ASAH2: variants seen among roughly 807,000 people sequenced by gnomAD.
ASAH2 encodes neutral ceramidase.
Under a neutral mutation model 82.9 loss-of-function variants are expected in ASAH2, and 58 were observed. The ratio of observed to expected loss-of-function variants is 0.70; its 90% CI spans 0.57 to 0.87. The LOEUF is 0.87. Ranked by LOEUF, ASAH2 falls within the 40% of genes least tolerant of loss-of-function variation. The probability of loss-of-function intolerance (pLI) is 0.00; values close to 1 mark genes in which losing one functional copy is unlikely to be tolerated. For missense variants in ASAH2, 779 were observed against 834.0 expected (o/e 0.93, Z 0.81); for synonymous variants, 276 against 289.7 (o/e 0.95, Z 0.48).
chr10:50,204,907 T>C lies in ASAH2; in HGVS notation c.1579A>G (p.Ile527Val). The C allele has an allele frequency of 6.2e-7, 1 of 1,611,786 alleles. No individual in the cohort carries two copies. The highest frequency in any genetic ancestry group is 8.5e-7 in the Non-Finnish European group (1 of 1,178,820). Residue 527 changes from isoleucine (I) to valine (V), a missense_variant, in exon 14 of 21, where the codon ATT (isoleucine) becomes GTT (valine). Around this residue, in one of 3 missense-constraint regions of ASAH2, gnomAD observed 759 missense variants for 755.2 expected, o/e 1.00. Coordinates refer to ENST00000682911, the MANE Select transcript of ASAH2 (RefSeq NM_019893.4). ...GTTATGGCCAAGGACCCAAGGGTAA[T>C]AATCTGAACATCAACAATGTCTGGA... ...WHPDIVDVQIITLGSLAITAI... is the reference protein window; with the variant it reads ...WHPDIVDVQIVTLGSLAITAI...
chr10:50,198,706 C>A (rs1845058572), intron 17 of ASAH2, among the ~76,000 whole-genome samples: 1 of 151,988 alleles, frequency 6.6e-6, no homozygotes, highest in Non-Finnish European at 1.5e-5. Flanking sequence ...CATCACTTAT[C>A]TTCAAGCCTA....
At chr10:50,228,546 T>C (rs1252119979) in intron 7 of ASAH2, among the ~76,000 whole-genome samples, 2 of 152,176 alleles carry the variant, frequency 1.3e-5, no homozygotes, top group East Asian at 3.8e-4. Flanking sequence ...TGCAACTGAG[T>C]TCTGTAAGTC....
At chr10:50,238,876 C>G (rs1463806167) in intron 4 of ASAH2, among the ~76,000 whole-genome samples, 3 of 152,088 alleles carry the variant, frequency 2.0e-5, no homozygotes, top group African/African-American at 7.2e-5. Flanking sequence ...AAACTACAGT[C>G]TCTGATATGA....
intron 4 of ASAH2, among the ~76,000 whole-genome samples, chr10:50,242,886 G>T (rs894853575): frequency 5.3e-5 from 8 of 152,090 alleles, no homozygotes; most frequent in African/African-American, 1.9e-4. Context: ...CTTCTAACAA[G>T]GAGGATTAAA....
intron 1 of ASAH2, among the ~76,000 whole-genome samples, 143 bp from the exon 2 acceptor site, chr10:50,248,789 T>C (rs77497111): frequency 3.9e-5 from 6 of 152,234 alleles, no homozygotes; most frequent in African/African-American, 2.4e-5. Context: ...ACCAAGCCCA[T>C]GGCAGACAAG....
intron 8 of ASAH2, 122 bp from the exon 9 acceptor site, chr10:50,214,990 A>G (rs2133209869): frequency 5.6e-6 from 7 of 1,245,400 alleles, no homozygotes; most frequent in Non-Finnish European, 7.9e-6. Context: ...AGGCAATAAA[A>G]AGAGGATATA....
chr10:50,208,527 T>C (rs1312397816), intron 12 of ASAH2, among the ~76,000 whole-genome samples: 1 of 151,656 alleles, frequency 6.6e-6, no homozygotes, highest in Non-Finnish European at 1.5e-5. Context: ...AATCCAAAAA[T>C]GAAATTAAGA....
chr10:50,249,144 C>A (rs1484068549), intron 1 of ASAH2, among the ~76,000 whole-genome samples: 1 of 152,112 alleles, frequency 6.6e-6, no homozygotes, highest in Non-Finnish European at 1.5e-5. Context: ...GAGGTGAAAC[C>A]CGTAACTTTG....
chr10:50,218,495 G>A lies in ASAH2; in HGVS notation c.1014+15C>T. On this transcript the variant is annotated intron_variant, in intron 8 of 20. Coordinates refer to ENST00000682911, the MANE Select transcript of ASAH2 (RefSeq NM_019893.4). ...AGTGAATCAAGATGAAGCTTTCAAT[G>A]ATATAAATTCTCACCTGTCCAGGTA... 1.2e-6 allele frequency: 2 copies of A among 1,613,682 alleles called. No homozygotes were observed. The highest frequency in any genetic ancestry group is 3.3e-5 in the Admixed American group (2 of 59,994).
At chr10:50,248,908 T>C (rs564072976) in intron 1 of ASAH2, among the ~76,000 whole-genome samples, 35 of 152,344 alleles carry the variant, frequency 2.3e-4, no homozygotes, top group African/African-American at 7.9e-4. Context: ...CATTGGCCAC[T>C]GAGCTCAACT....
intron 16 of ASAH2, among the ~76,000 whole-genome samples, chr10:50,201,770 A>G (rs1252318795): frequency 6.6e-6 from 1 of 152,140 alleles, no homozygotes; most frequent in Non-Finnish European, 1.5e-5. Flanking sequence ...TTACCATACT[A>G]TAATAAACCA....
chr10:50,220,325 C>T (rs1257897469), intron 7 of ASAH2, among the ~76,000 whole-genome samples: 5 of 152,042 alleles, frequency 3.3e-5, no homozygotes, highest in Non-Finnish European at 7.4e-5. Flanking sequence ...CACATGGACA[C>T]GTATGTTCGT....
chr10:50,245,136 T>C, intron 3 of ASAH2, 86 bp downstream of exon 3: 1 of 1,122,060 alleles, frequency 8.9e-7, no homozygotes, highest in Non-Finnish European at 1.3e-6. Flanking sequence ...AATGATGATG[T>C]TGTAATAATC....
intron 3 of ASAH2, among the ~76,000 whole-genome samples, chr10:50,244,135 G>A (rs536832510): frequency 3.3e-5 from 5 of 152,312 alleles, no homozygotes; most frequent in South Asian, 2.1e-4. Context: ...ACGCTGGAGC[G>A]GGACATATGC....
At chr10:50,224,327 G>A (rs1036132196) in intron 7 of ASAH2, among the ~76,000 whole-genome samples, 2 of 152,240 alleles carry the variant, frequency 1.3e-5, no homozygotes, top group South Asian at 4.1e-4. Flanking sequence ...AGCTGCAGAT[G>A]ATGATAATGA....
At position 50,208,924 on chromosome 10, in the gene ASAH2, C is replaced by T. The variant is rs1032507653; in HGVS notation, c.1414+1899G>A. 4.2e-3 allele frequency among the ~76,000 whole-genome samples: 645 copies of T among 152,116 alleles called. 3 individuals are homozygous for T. The highest frequency in any genetic ancestry group is 6.8e-3 in the Middle Eastern group (2 of 294). On this transcript the variant is annotated intron_variant, in intron 12 of 20. Coordinates refer to ENST00000682911, the MANE Select transcript of ASAH2 (RefSeq NM_019893.4). Reference sequence around the variant, plus strand: ...CTTAAAGGAAACAATAACCAAGAGACGGTTATACTGGCACAAGGTTAGGCA... The same window carrying T: ...CTTAAAGGAAACAATAACCAAGAGATGGTTATACTGGCACAAGGTTAGGCA...
intron 2 of ASAH2, 136 bp from the exon 3 acceptor site, chr10:50,245,590 C>T (rs7090968): frequency 0.14 from 111,171 of 780,386 alleles, 12,962 homozygotes; most frequent in African/African-American, 0.43. Flanking sequence ...AATATATAGA[C>T]AGGAACAGCT....
At chr10:50,249,559 T>G (rs1846562197) in intron 1 of ASAH2, among the ~76,000 whole-genome samples, 2 of 152,190 alleles carry the variant, frequency 1.3e-5, no homozygotes, top group Non-Finnish European at 2.9e-5. Flanking sequence ...CCCCCAATAC[T>G]GAACATCAGC....
chr10:50,217,523 G>A (rs1250613060), intron 8 of ASAH2, among the ~76,000 whole-genome samples: 6 of 151,924 alleles, frequency 3.9e-5, no homozygotes, highest in African/African-American at 7.3e-5. Flanking sequence ...CACTGCATTC[G>A]GCCTCCTCGT....
Sources: gnomAD v4.1 joint callset for allele counts (sites outside exome capture counted in the v4.1 genomes callset) on GRCh38, gnomAD v4.1.1 for gene constraint, gnomAD v4.1.1 regional missense constraint, MANE v1.5 for transcripts, NCBI Gene and HGNC (gene_info 2026-07-23, HGNC 2026-07-21) for gene names.